Variants in KANK2 observed in about 807,000 individuals in gnomAD.
KANK2 encodes KN motif and ankyrin repeat domain-containing protein 2.
Under a neutral mutation model 74.6 loss-of-function variants are expected in KANK2, and 41 were observed. The ratio of observed to expected loss-of-function variants is 0.55; its 90% CI spans 0.43 to 0.71. KANK2 has a LOEUF of 0.71. Among genes scored for constraint, KANK2 ranks in the 30% least tolerant of loss-of-function variants. KANK2 has a pLI of 0.00. For synonymous variants in KANK2, 537 were observed against 519.0 expected (o/e 1.03, Z -0.47); for missense variants, 1,148 against 1,196.4 (o/e 0.96, Z 0.60).
At chr19:11,177,826 C>T (rs1445857892) in intron 6 of KANK2, among the ~76,000 whole-genome samples, 1 of 152,152 alleles carries the variant, frequency 6.6e-6, no homozygotes, top group African/African-American at 2.4e-5. Context: ...ACTCTGCTTT[C>T]CCACCTCTGA....
chr19:11,174,754 A>C, intron 8 of KANK2, 62 bp from the exon 9 acceptor site: 1 of 1,336,660 alleles, frequency 7.5e-7, no homozygotes, highest in Non-Finnish European at 1.0e-6. Context: ...GACACCCCCC[A>C]CCCCAGATGC....
In KANK2 at chr19:11,193,835, G is replaced by A. The variant is rs200914978; in HGVS notation, c.245C>T (p.Thr82Met). The A allele has an allele frequency of 3.2e-5, 51 of 1,612,694 alleles. No individual in the cohort carries two copies. Among genetic ancestry groups the A allele is most frequent in the South Asian group, 2.1e-4 (19 of 91,054 alleles). The change falls in exon 4 of 13, where the codon ACG (threonine) becomes ATG (methionine). Residue 82 changes from threonine (T) to methionine (M), a missense_variant. Coordinates refer to ENST00000586659, the MANE Select transcript of KANK2 (RefSeq NM_001136191.3). The surrounding 1 kb of genome is among the most constrained non-coding windows in gnomAD (Gnocchi z 9.6). ...SLPRGPGSWW[T>M]STESLCSNAS... is the part of the protein sequence containing the mutation. ...ATTGGAGCACAGCGACTCAGTGGAC[G>A]TCCACCAGGAGCCAGGGCCACGGGG...
At chr19:11,191,513 T>TACCCCC (rs928120309) in intron 4 of KANK2, among the ~76,000 whole-genome samples, 12 of 152,210 alleles carry the variant, frequency 7.9e-5, no homozygotes, top group African/African-American at 2.9e-4. Flanking sequence ...GGGGCTCCCC[T>TACCCCC]ACCCCCGGCG....
chr19:11,184,449 G>A (rs1470115257), intron 4 of KANK2, among the ~76,000 whole-genome samples: 1 of 150,086 alleles, frequency 6.7e-6, no homozygotes, highest in African/African-American at 2.5e-5. Context: ...CCGGAGTTTG[G>A]CACAGGCAAA....
chr19:11,175,427 CAAAAAAAAAAAAA>C (rs753933217), intron 8 of KANK2, among the ~76,000 whole-genome samples: 40 of 14,976 alleles, frequency 2.7e-3, no homozygotes, highest in African/African-American at 4.6e-3. Context: ...GACTCCCTCT[CAAAAAAAAAAAAA>C]AAAAAAAAAA....
chr19:11,175,864 C>T (rs371300343), intron 8 of KANK2, 38 bp downstream of exon 8: 337 of 1,548,176 alleles, frequency 2.2e-4, no homozygotes, highest in Non-Finnish European at 1.1e-4. Context: ...GGTAGGGGTC[C>T]GGGGGGTGGC....
In KANK2 at chr19:11,170,352, G is replaced by A. The variant is rs1413438976; in HGVS notation, c.2212-104C>T. On this transcript the variant is annotated intron_variant, in intron 10 of 12. Coordinates refer to ENST00000586659, the MANE Select transcript of KANK2 (RefSeq NM_001136191.3). The surrounding 1 kb of genome is among the most constrained non-coding windows in gnomAD (Gnocchi z 5.2). ...CTCCCACATACTCTGATGGTGAAAT[G>A]TACCCTCAACTTGCTGATCTCCTCC... is the stretch of plus-strand genomic sequence containing the variant. The A allele has an allele frequency of 3.5e-6, 3 of 865,200 alleles. No homozygotes were observed. Among genetic ancestry groups the A allele is most frequent in the Non-Finnish European group, 5.4e-6 (3 of 557,122 alleles). 53.6% of individuals were successfully genotyped at this position (865,200 alleles called of 1,614,324 possible). A position where few individuals can be genotyped will look rare whatever the true frequency, so the allele number is the denominator to read the frequency against.
chr19:11,182,454 A>G (rs1044032014), intron 4 of KANK2, among the ~76,000 whole-genome samples: 1 of 151,462 alleles, frequency 6.6e-6, no homozygotes, highest in East Asian at 1.9e-4. Flanking sequence ...TGAGCCCGGG[A>G]GTTTGAAGTT....
chr19:11,176,828 A>G lies in KANK2; in HGVS notation c.1521-11T>C. ...GATGACGACTCATACCTGGGGAGGA[A>G]CGAGCGGGGAGGGGGAGATGCTGCA... On this transcript the variant is annotated splice_polypyrimidine_tract_variant and intron_variant, in intron 6 of 12. Coordinates refer to ENST00000586659, the MANE Select transcript of KANK2 (RefSeq NM_001136191.3). 1 of 1,499,306 alleles carries G rather than the reference A, an allele frequency of 6.7e-7. No homozygotes were observed. 92.9% of individuals were successfully genotyped at this position (1,499,306 alleles called of 1,614,324 possible).
Position 11,170,115 on chromosome 19 carries a change from T to C in KANK2, c.2345A>G (p.His782Arg), listed in dbSNP as rs773638688. ...CAGCCCCGCGATCTCCTTGTGGCCG[T>C]GCTCACAGGCGCACATGAGGGCCGT... ...GSTALMCACE[H>R]GHKEIAGLLL... is the part of the protein sequence containing the mutation. The change falls in exon 11 of 13, where the codon CAC becomes CGC. Residue 782 changes from histidine to arginine, a missense_variant. Transcript: ENST00000586659. This position sits in a 1 kb window ranked among gnomAD's most constrained non-coding sequence, Gnocchi z 5.2. 9 of 1,613,246 alleles carry C rather than the reference T, an allele frequency of 5.6e-6. No individual in the cohort carries two copies. The Admixed American group carries it at 1.5e-4, about 27-fold the overall frequency.
chr19:11,174,407 T>C, intron 9 of KANK2, 66 bp downstream of exon 9: 3 of 1,318,042 alleles, frequency 2.3e-6, no homozygotes, highest in Non-Finnish European at 3.2e-6. Context: ...GTGTCTTCCC[T>C]ATCAGACTGG....
chr19:11,166,661 C>G, intron 12 of KANK2, 50 bp from the exon 13 acceptor site: 2 of 1,576,394 alleles, frequency 1.3e-6, no homozygotes, highest in Non-Finnish European at 1.7e-6. Context: ...TTCCAATCCC[C>G]CGAGGCGCCA....
intron 1 of KANK2, chr19:11,197,022 G>A (rs945562305): frequency 6.6e-6 from 1 of 152,130 alleles, no homozygotes; most frequent in Non-Finnish European, 1.5e-5. Flanking sequence ...TCCCCACGCC[G>A]GCCCAGCCGC....
At chr19:11,174,810 A>C in intron 8 of KANK2, 118 bp from the exon 9 acceptor site, 3 of 782,500 alleles carry the variant, frequency 3.8e-6, no homozygotes, top group Non-Finnish European at 4.2e-6. Context: ...AAACGATCTC[A>C]AGGGAAGTGC....
intron 4 of KANK2, among the ~76,000 whole-genome samples, chr19:11,190,923 G>T (rs1489118457): frequency 2.0e-5 from 3 of 151,728 alleles, no homozygotes; most frequent in Admixed American, 1.3e-4. Flanking sequence ...TAGAGACAGG[G>T]TTTCACCATG....
chr19:11,193,575 G>A lies in KANK2; in HGVS notation c.505C>T (p.Pro169Ser). 1 of 1,589,112 alleles carries A rather than the reference G, an allele frequency of 6.3e-7. No homozygotes were observed. Among genetic ancestry groups the A allele is most frequent in the Non-Finnish European group, 8.6e-7 (1 of 1,169,352 alleles). The part of the protein sequence containing the change: ...LVGVGLPPPT[P>S]RSSGLSTPVP... ...GGTGTGGACAGTCCTGAACTCCGTG[G>A]TGTCGGGGGTGGCAACCCCACGCCC... Residue 169 changes from proline (P) to serine (S), a missense_variant, in exon 4 of 13, where the codon CCA becomes TCA. Physicochemically the swap from Pro to Ser is moderately conservative, Grantham distance 74. Coordinates refer to ENST00000586659, the MANE Select transcript of KANK2 (RefSeq NM_001136191.3). This position sits in a 1 kb window ranked among gnomAD's most constrained non-coding sequence, Gnocchi z 9.6.
intron 4 of KANK2, among the ~76,000 whole-genome samples, chr19:11,183,279 G>A (rs1050557005): frequency 6.6e-6 from 1 of 152,212 alleles, no homozygotes; most frequent in Non-Finnish European, 1.5e-5. Context: ...AGACAGAGGG[G>A]GTTTCCCCAA....
At chr19:11,171,010 C>G (rs1296249541) in intron 10 of KANK2, among the ~76,000 whole-genome samples, 1 of 152,108 alleles carries the variant, frequency 6.6e-6, no homozygotes, top group Non-Finnish European at 1.5e-5. Flanking sequence ...TTAGTAGAGA[C>G]AGAGTTTCAC....
In KANK2 at chr19:11,175,886, C is replaced by G. The variant is rs756626232; in HGVS notation, c.1848+16G>C. On this transcript the variant is annotated intron_variant, in intron 8 of 12. Coordinates refer to ENST00000586659, the MANE Select transcript of KANK2 (RefSeq NM_001136191.3). ...GTCCGGGGGGTGGCCAACCTAGGCC[C>G]AGGGCCAGATCGTACCAGCTCCCGC... 1.2e-5 allele frequency: 19 copies of G among 1,610,222 alleles called. No individual in the cohort carries two copies. The highest frequency in any genetic ancestry group is 1.4e-5 in the Non-Finnish European group (17 of 1,177,550).
Sources: allele counts gnomAD v4.1 joint callset (sites outside exome capture counted in the v4.1 genomes callset), GRCh38; gene constraint gnomAD v4.1.1; non-coding constraint Gnocchi (gnomAD v3.1); transcripts MANE v1.5; gene names NCBI Gene and HGNC (gene_info 2026-07-23, HGNC 2026-07-21).